Variants in ANKS3 observed in about 807,000 individuals in gnomAD.
ANKS3 encodes the protein ankyrin repeat and SAM domain-containing protein 3.
Under a neutral mutation model 80.7 loss-of-function variants are expected in ANKS3, and 62 were observed. That is an observed-to-expected ratio of 0.77 (90% CI 0.63 to 0.95). The LOEUF is 0.95. Among genes scored for constraint, ANKS3 ranks in the 40% least tolerant of loss-of-function variants. ANKS3 has a pLI of 0.00. For synonymous variants in ANKS3, 489 were observed against 355.3 expected (o/e 1.38, Z -4.23); for missense variants, 1,150 against 883.6 (o/e 1.30, Z -3.82).
At position 4,723,650 on chromosome 16, in the gene ANKS3, G is replaced by A. The variant is rs1011001309; in HGVS notation, c.573+1100C>T. Among the ~76,000 whole-genome samples the A allele has an allele frequency of 5.3e-5, 8 of 152,274 alleles. No homozygotes were observed. In the East Asian group the frequency reaches 1.5e-3, roughly 29 times the overall value. On this transcript the variant is annotated intron_variant, in intron 6 of 17. Transcript: ENST00000304283. ...GCAGCAGTACTGCATTACTTTGTAG[G>A]GCCGAATAATATCCTGCTATACAGA...
At chr16:4,732,452 C>T (rs910699086) in intron 1 of ANKS3, among the ~76,000 whole-genome samples, 7 of 152,192 alleles carry the variant, frequency 4.6e-5, no homozygotes, top group African/African-American at 9.6e-5. Flanking sequence ...CCAGACCAAG[C>T]GTGACGGACC....
chr16:4,701,569 G>A (rs370535292), intron 9 of ANKS3, 26 bp from the exon 10 acceptor site: 236 of 1,588,292 alleles, frequency 1.5e-4, no homozygotes, highest in African/African-American at 1.7e-4. Context: ...CAGGGCGTCC[G>A]CCTGCAGCCC....
chr16:4,733,056 G>A (rs1026496070), intron 1 of ANKS3, among the ~76,000 whole-genome samples: 1 of 151,814 alleles, frequency 6.6e-6, no homozygotes, highest in Non-Finnish European at 1.5e-5. Context: ...AAAGTAGAAG[G>A]ATGGTTACTT....
intron 3 of ANKS3, chr16:4,729,702 G>A: frequency 4.0e-6 from 1 of 251,168 alleles, no homozygotes. Flanking sequence ...GTTTGTTTGG[G>A]CATTTCTGCA....
chr16:4,719,462 T>C (rs1282011730), intron 6 of ANKS3, among the ~76,000 whole-genome samples: 1 of 152,184 alleles, frequency 6.6e-6, no homozygotes, highest in African/African-American at 2.4e-5. Flanking sequence ...ATTGATTCTA[T>C]GATGTGTCTT....
chr16:4,698,296 G>A (rs1363692380), intron 14 of ANKS3, 131 bp downstream of exon 14: 2 of 1,297,886 alleles, frequency 1.5e-6, no homozygotes, highest in South Asian at 1.5e-5. Context: ...TGATGAAATG[G>A]GGGTGGGGTG....
At position 4,729,935 on chromosome 16, in the gene ANKS3, C is replaced by T. The variant is rs758834160; in HGVS notation, c.170+45G>A. The T allele has an allele frequency of 3.5e-6, 5 of 1,437,334 alleles. No individual in the cohort carries two copies. In the East Asian group the frequency reaches 7.7e-5, roughly 22 times the overall value. The allele number at this position is 1,437,334 out of a possible 1,614,324, so 89.0% of individuals were successfully genotyped here. The stretch of plus-strand genomic sequence containing the variant: ...CCATCACGTGGGATCGAAGCCATCA[C>T]TGCGCTGCTCAAAATGTGAGAGGAA... On this transcript the variant is annotated intron_variant, in intron 3 of 17. Coordinates refer to ENST00000304283, the MANE Select transcript of ANKS3 (RefSeq NM_133450.4).
intron 7 of ANKS3, among the ~76,000 whole-genome samples, chr16:4,711,718 CAAAAAAAAA>C (rs34030042): frequency 3.5e-5 from 2 of 56,808 alleles, no homozygotes; most frequent in Non-Finnish European, 7.4e-5. Flanking sequence ...AACTCTGTCT[CAAAAAAAAA>C]AAAAAAAAAA....
chr16:4,705,018 A>C, intron 8 of ANKS3, 77 bp downstream of exon 8: 5 of 1,555,354 alleles, frequency 3.2e-6, no homozygotes, highest in Non-Finnish European at 3.5e-6. Flanking sequence ...CAGGAGCCTA[A>C]GAGCTATTCC....
At chr16:4,713,757 A>G (rs2080624392) in intron 7 of ANKS3, among the ~76,000 whole-genome samples, 1 of 152,230 alleles carries the variant, frequency 6.6e-6, no homozygotes, top group Non-Finnish European at 1.5e-5. Flanking sequence ...ATAGCTCAGG[A>G]AACAGTGAAA....
At chr16:4,730,272 C>G in intron 2 of ANKS3, 121 bp from the exon 3 acceptor site, 1 of 934,992 alleles carries the variant, frequency 1.1e-6, no homozygotes, top group Non-Finnish European at 1.4e-6. Flanking sequence ...TGCAGTCAAC[C>G]CCGGGAGTAA....
intron 6 of ANKS3, among the ~76,000 whole-genome samples, chr16:4,715,799 T>C (rs1414597005): frequency 6.6e-6 from 1 of 152,014 alleles, no homozygotes; most frequent in Middle Eastern, 3.2e-3. Context: ...CATAAGCATG[T>C]TTGCTTTTTT....
At chr16:4,697,825 C>G (rs2079656312) in intron 15 of ANKS3, 152 bp downstream of exon 15, 1 of 777,632 alleles carries the variant, frequency 1.3e-6, no homozygotes. Context: ...AGGGCCCCCT[C>G]TTTTCCTTGG....
In ANKS3 at chr16:4,726,792, C is replaced by T; in HGVS notation, c.370-12G>A. On this transcript the variant is annotated splice_polypyrimidine_tract_variant and intron_variant, in intron 4 of 17. Coordinates refer to ENST00000304283, the MANE Select transcript of ANKS3 (RefSeq NM_133450.4). Reference sequence around the variant, plus strand: ...AGCTCTGCACCTTGCTTCAAGAGAACACAGAACGTGCGTTACGGCCTCATC... The same window carrying T: ...AGCTCTGCACCTTGCTTCAAGAGAATACAGAACGTGCGTTACGGCCTCATC... 1.2e-6 allele frequency: 2 copies of T among 1,611,002 alleles called. No individual in the cohort carries two copies. Among genetic ancestry groups the T allele is most frequent in the Non-Finnish European group, 1.7e-6 (2 of 1,177,528 alleles).
chr16:4,715,266 C>A, intron 6 of ANKS3, among the ~76,000 whole-genome samples: 1 of 152,038 alleles, frequency 6.6e-6, no homozygotes, highest in African/African-American at 2.4e-5. Context: ...ACAGCATGAA[C>A]CCACCTCTAC....
intron 7 of ANKS3, among the ~76,000 whole-genome samples, chr16:4,710,080 G>C (rs971851588): frequency 2.0e-5 from 3 of 152,134 alleles, no homozygotes; most frequent in Non-Finnish European, 4.4e-5. Context: ...ATTTTTAAAA[G>C]CTCATGTCAA....
chr16:4,734,227 ACGCTCCCTCG>A lies in ANKS3; in HGVS notation c.-370_-361del. The A allele has an allele frequency of 6.1e-6, 1 of 164,198 alleles. No homozygotes were observed. The highest frequency in any genetic ancestry group is 1.3e-5 in the Non-Finnish European group (1 of 79,204). 10.2% of individuals were successfully genotyped at this position (164,198 alleles called of 1,614,324 possible). On this transcript the variant is annotated 5_prime_UTR_variant, in exon 1 of 18. Coordinates refer to ENST00000304283, the MANE Select transcript of ANKS3 (RefSeq NM_133450.4). The stretch of plus-strand genomic sequence containing the variant: ...AACCCCCCCCAAACAGCTCGCCGCC[ACGCTCCCTCG>A]CCGGGGCACCGCCCCCGGCACCCGC...
chr16:4,706,105 G>A (rs2080173457), intron 7 of ANKS3, among the ~76,000 whole-genome samples: 1 of 151,860 alleles, frequency 6.6e-6, no homozygotes, highest in Admixed American at 6.6e-5. Context: ...ATCATATTAG[G>A]CTGGTCTTGA....
At chr16:4,731,040 C>T (rs893426842) in intron 2 of ANKS3, among the ~76,000 whole-genome samples, 11 of 152,104 alleles carry the variant, frequency 7.2e-5, no homozygotes, top group African/African-American at 2.7e-4. Context: ...CACAAGGATC[C>T]AACAGTTGAC....
Sources: allele counts gnomAD v4.1 joint callset (sites outside exome capture counted in the v4.1 genomes callset), GRCh38; gene constraint gnomAD v4.1.1; transcripts MANE v1.5; gene names NCBI Gene and HGNC (gene_info 2026-07-23, HGNC 2026-07-21).